The following THAP8 variants were observed in gnomAD, a reference collection of about 807,000 sequenced individuals.
THAP8 encodes THAP domain-containing protein 8.
Under a neutral mutation model 25.0 loss-of-function variants are expected in THAP8, and 24 were observed. That is an observed-to-expected ratio of 0.96 (90% confidence interval 0.69 to 1.35). The LOEUF is 1.35. Among genes scored for constraint, THAP8 ranks in the 40% most tolerant of loss-of-function variants. THAP8 has a pLI of 0.00. For missense variants in THAP8, 399 were observed against 368.8 expected, an observed-to-expected ratio of 1.08 and a Z score of -0.67; for synonymous variants, 169 against 157.6, an observed-to-expected ratio of 1.07 and a Z score of -0.54.
intron 1 of THAP8, among the ~76,000 whole-genome samples, chr19:36,053,399 A>T (rs1037496583): frequency 1.6e-5 from 2 of 122,932 alleles, no homozygotes; most frequent in South Asian, 2.7e-4. Context: ...AAAAAAAAAA[A>T]TTTAAATTAT....
intron 1 of THAP8, chr19:36,045,957 T>C (rs1299767585): frequency 2.2e-6 from 1 of 450,476 alleles, no homozygotes; most frequent in Non-Finnish European, 4.5e-6. Context: ...TAGAGCAGCA[T>C]GGGAAACTAA....
At chr19:36,054,621 G>C, upstream of THAP8, 2 of 546,018 alleles carry the variant, frequency 3.7e-6, no homozygotes, top group Non-Finnish European at 6.6e-6. Context: ...AGTTCCTCTA[G>C]GTGGCGGCAA....
At position 36,035,091 on chromosome 19, in the gene THAP8, A is replaced by G. The variant is rs940503353; in HGVS notation, c.*349T>C. On this transcript the variant is annotated 3_prime_UTR_variant, in exon 4 of 4. Transcript: ENST00000292894. ...TCTCAGCTGTGTCCACCATGGTATCATGAACTCAGTACCAGGCTTGGCAAA... is the reference window on the plus strand; with the variant it reads ...TCTCAGCTGTGTCCACCATGGTATCGTGAACTCAGTACCAGGCTTGGCAAA... 4.7e-6 allele frequency: 1 copy of G among 210,586 alleles called. No individual in the cohort carries two copies. Among genetic ancestry groups the G allele is most frequent in the African/African-American group, 2.3e-5 (1 of 43,804 alleles). The allele number at this position is 210,586 out of a possible 1,614,324, so 13.0% of individuals were successfully genotyped here.
chr19:36,042,781 G>A (rs1019669133), intron 1 of THAP8, among the ~76,000 whole-genome samples: 1 of 151,998 alleles, frequency 6.6e-6, no homozygotes, highest in African/African-American at 2.4e-5. Context: ...TTGGGGGGAG[G>A]GAGGAGATGC....
chr19:36,039,782 T>C lies in THAP8; in HGVS notation c.277-64A>G, dbSNP rs529590377. The C allele has an allele frequency of 6.7e-6, 10 of 1,492,292 alleles. No homozygotes were observed. The Admixed American group carries it at 1.2e-4, about 18-fold the overall frequency. 92.4% of individuals were successfully genotyped at this position (1,492,292 alleles called of 1,614,324 possible). A position where few individuals can be genotyped will look rare whatever the true frequency, so the allele number is the denominator to read the frequency against. On this transcript the variant is annotated intron_variant, in intron 2 of 3. Transcript: ENST00000292894. ...AGACTTCGACTCAGGAGGAAAGGGATGGAGGGTCTGTTTCCAAGGGGGACT... is the reference window on the plus strand; with the variant it reads ...AGACTTCGACTCAGGAGGAAAGGGACGGAGGGTCTGTTTCCAAGGGGGACT...
chr19:36,053,366 C>CAAAAAAAA (rs58744657), intron 1 of THAP8, among the ~76,000 whole-genome samples: 1 of 77,068 alleles, frequency 1.3e-5, no homozygotes, highest in African/African-American at 6.4e-5. Context: ...CCAAGCCTGG[C>CAAAAAAAA]AAAAAAAAAA....
chr19:36,039,898 G>A, intron 2 of THAP8, 46 bp downstream of exon 2: 1 of 1,608,730 alleles, frequency 6.2e-7, no homozygotes. Flanking sequence ...CTTAGGCAGG[G>A]AGGTCTGGGG....
chr19:36,042,120 G>C (rs1969714367), intron 1 of THAP8, among the ~76,000 whole-genome samples: 1 of 151,002 alleles, frequency 6.6e-6, no homozygotes, highest in African/African-American at 2.4e-5. Context: ...GGAAGAGGAA[G>C]AGAAGAACAG....
intron 3 of THAP8, among the ~76,000 whole-genome samples, chr19:36,037,279 CCT>C (rs1969497713): frequency 7.2e-6 from 1 of 139,012 alleles, no homozygotes; most frequent in Non-Finnish European, 1.6e-5. Context: ...CACACACACA[CCT>C]TCCTCAGCTT....
In THAP8 at chr19:36,040,150, T is replaced by TG. The variant is rs1390324580; in HGVS notation, c.84-15dup. 1 of 1,594,530 alleles carries TG rather than the reference T, an allele frequency of 6.3e-7. No individual in the cohort carries two copies. ...TTCAGTGGGAACCTGCATGGGTGGTTGGGGGGCTGGGTCAGTGCTACGAGG... is the reference window on the plus strand; with the variant it reads ...TTCAGTGGGAACCTGCATGGGTGGTTGGGGGGGCTGGGTCAGTGCTACGAGG... On this transcript the variant is annotated splice_polypyrimidine_tract_variant and intron_variant, in intron 1 of 3. Coordinates refer to ENST00000292894, the MANE Select transcript of THAP8 (RefSeq NM_152658.3).
At chr19:36,054,514 C>T (rs950147140), upstream of THAP8, 1 of 567,890 alleles carries the variant, frequency 1.8e-6, no homozygotes, top group East Asian at 3.0e-5. Flanking sequence ...GGCGGCGTCA[C>T]GGCGTTTCTG....
intron 3 of THAP8, among the ~76,000 whole-genome samples, chr19:36,038,393 C>T (rs1048950036): frequency 5.9e-5 from 9 of 152,052 alleles, no homozygotes; most frequent in African/African-American, 2.2e-4. Context: ...TCCCAAGTAG[C>T]TGGGACCACA....
At chr19:36,039,183 C>T in intron 3 of THAP8, 140 bp downstream of exon 3, 2 of 1,262,132 alleles carry the variant, frequency 1.6e-6, no homozygotes, top group East Asian at 3.0e-5. Context: ...GCGTGAGCCA[C>T]TGAGCCCGGG....
At chr19:36,044,904 A>G (rs913994724) in intron 1 of THAP8, among the ~76,000 whole-genome samples, 4 of 152,174 alleles carry the variant, frequency 2.6e-5, no homozygotes, top group African/African-American at 9.7e-5. Context: ...AATACGATGC[A>G]GCTATAAAAC....
chr19:36,049,128 C>T (rs552891146), intron 1 of THAP8, among the ~76,000 whole-genome samples: 48 of 152,010 alleles, frequency 3.2e-4, no homozygotes, highest in Non-Finnish European at 6.6e-4. Flanking sequence ...GTCCCAGCTA[C>T]TCAGGAGGCT....
At chr19:36,048,654 C>T (rs146116010) in intron 1 of THAP8, among the ~76,000 whole-genome samples, 17 of 151,638 alleles carry the variant, frequency 1.1e-4, no homozygotes, top group African/African-American at 3.9e-4. Flanking sequence ...TGTGAGCCAC[C>T]GCGCCCAGCC....
intron 3 of THAP8, 93 bp from the exon 4 acceptor site, chr19:36,035,685 G>T: frequency 6.9e-7 from 1 of 1,444,924 alleles, no homozygotes; most frequent in South Asian, 1.3e-5. Flanking sequence ...AGGCAAAGGT[G>T]GCAGGAGGGC....
chr19:36,054,105 C>T (rs1213986473), intron 1 of THAP8, 30 bp downstream of exon 1: 2 of 1,605,574 alleles, frequency 1.2e-6, no homozygotes, highest in East Asian at 2.2e-5. Flanking sequence ...GGTCCCGCCT[C>T]CCTCAAGCCC....
upstream of THAP8, chr19:36,054,404 C>A: frequency 1.5e-6 from 1 of 662,494 alleles, no homozygotes; most frequent in South Asian, 1.8e-5. Flanking sequence ...GTGCCACAGT[C>A]CCGCCCTCGT....
Sources: allele counts gnomAD v4.1 joint callset (sites outside exome capture counted in the v4.1 genomes callset), GRCh38; gene constraint gnomAD v4.1.1; transcripts MANE v1.5; gene names NCBI Gene and HGNC (gene_info 2026-07-23, HGNC 2026-07-21).